LAMA3: variants seen among roughly 807,000 people sequenced by gnomAD.
The protein encoded by LAMA3 is laminin subunit alpha-3.
LAMA3 carries 281 observed loss-of-function variants against 402.0 expected under a neutral mutation model. The observed-to-expected ratio is 0.70, with a 90% confidence interval of 0.63 to 0.77. LAMA3 has a LOEUF of 0.77. Ranked by LOEUF, LAMA3 falls within the 30% of genes least tolerant of loss-of-function variation. The pLI, the probability that LAMA3 is intolerant of heterozygous loss-of-function variation, is 0.00. For synonymous variants in LAMA3, 1,431 were observed against 1,558.4 expected, an observed-to-expected ratio of 0.92 and a Z score of 1.93; for missense variants, 3,840 against 4,215.5, an observed-to-expected ratio of 0.91 and a Z score of 2.47.
chr18:23,822,486 C>A, intron 20 of LAMA3, 111 bp downstream of exon 20: 1 of 1,196,790 alleles, frequency 8.4e-7, no homozygotes, highest in Non-Finnish European at 1.2e-6. Context: ...TCAAGCCTGG[C>A]TCATGGTCTG....
chr18:23,813,070 T>C lies in LAMA3; in HGVS notation c.1755T>C (p.Ala585=). The change falls in exon 14 of 75, where the codon GCT becomes GCC. Residue 585 remains alanine (A), a synonymous_variant. Coordinates refer to ENST00000313654, the MANE Select transcript of LAMA3 (RefSeq NM_198129.4). ...AATCATATTCAGGTTCCAGCAGTGCTTGTGACCCAGCTGGTACCATCAACT... is the reference window on the plus strand; with the variant it reads ...AATCATATTCAGGTTCCAGCAGTGCCTGTGACCCAGCTGGTACCATCAACT... ...DFPHCQGSSS[A]CDPAGTINSN... 1 of 1,609,804 alleles carries C rather than the reference T, an allele frequency of 6.2e-7. No individual in the cohort carries two copies. The highest frequency in any genetic ancestry group is 8.5e-7 in the Non-Finnish European group (1 of 1,176,096).
At chr18:23,911,212 T>A (rs2081414576) in intron 55 of LAMA3, among the ~76,000 whole-genome samples, 2 of 151,992 alleles carry the variant, frequency 1.3e-5, no homozygotes, top group African/African-American at 4.8e-5. Flanking sequence ...GAGAGAGGCG[T>A]GAAATGAGCC....
At chr18:23,801,796 G>A (rs557188610) in intron 12 of LAMA3, among the ~76,000 whole-genome samples, 1 of 152,186 alleles carries the variant, frequency 6.6e-6, no homozygotes, top group African/African-American at 2.4e-5. Flanking sequence ...GATTAGTGAT[G>A]TTGAACATTT....
In LAMA3 at chr18:23,842,620, A is replaced by G. The variant is rs773482521; in HGVS notation, c.3473A>G (p.His1158Arg). Residue 1158 changes from histidine (H) to arginine (R), a missense_variant, in exon 29 of 75, where the codon CAT (histidine) becomes CGT (arginine). This residue lies in a region of LAMA3 where 2,109 missense variants were observed against 2,376.0 expected (regional missense o/e 0.89). Coordinates refer to ENST00000313654, the MANE Select transcript of LAMA3 (RefSeq NM_198129.4). ...DGGWPRAGSF[H>R]ASFCPHVLGC... Reference sequence around the variant, plus strand: ...TCTCTCTCTCTGCCAGGCTCCTTCCATGCCTCTTTTTGCCCCCATGTGCTT... The same window carrying G: ...TCTCTCTCTCTGCCAGGCTCCTTCCGTGCCTCTTTTTGCCCCCATGTGCTT... The G allele has an allele frequency of 5.0e-6, 8 of 1,614,056 alleles. No individual in the cohort carries two copies. Among genetic ancestry groups the G allele is most frequent in the Non-Finnish European group, 6.8e-6 (8 of 1,180,026 alleles).
At chr18:23,691,359 C>T (rs922048951) in intron 1 of LAMA3, among the ~76,000 whole-genome samples, 2 of 151,672 alleles carry the variant, frequency 1.3e-5, no homozygotes, top group Non-Finnish European at 2.9e-5. Context: ...AATATTTTTA[C>T]CATATTTATA....
chr18:23,820,041 A>C lies in LAMA3; in HGVS notation c.2304+44A>C, dbSNP rs7244406. The C allele has an allele frequency of 0.56, 900,050 of 1,603,548 alleles. 264,641 individuals are homozygous for C. Among genetic ancestry groups the C allele is most frequent in the Non-Finnish European group, 0.62 (720,424 of 1,170,972 alleles). ...GCAGCTTCATGGCTGAGTAGCTCAGATACTTCCCCACACCAGTCTCAGGGA... is the reference window on the plus strand; with the variant it reads ...GCAGCTTCATGGCTGAGTAGCTCAGCTACTTCCCCACACCAGTCTCAGGGA... On this transcript the variant is annotated intron_variant, in intron 19 of 74. Coordinates refer to ENST00000313654, the MANE Select transcript of LAMA3 (RefSeq NM_198129.4).
At chr18:23,948,811 C>T (rs1599178698) in intron 70 of LAMA3, among the ~76,000 whole-genome samples, 1 of 152,158 alleles carries the variant, frequency 6.6e-6, no homozygotes, top group African/African-American at 2.4e-5. Context: ...CTCAGGTGAT[C>T]CAGCAGCCTC....
chr18:23,930,234 G>T (rs2082123486), intron 64 of LAMA3, among the ~76,000 whole-genome samples: 1 of 152,186 alleles, frequency 6.6e-6, no homozygotes, highest in South Asian at 2.1e-4. Flanking sequence ...GACAGGAAGA[G>T]TCAAATTATC....
At chr18:23,760,537 T>G (rs767806757) in intron 7 of LAMA3, among the ~76,000 whole-genome samples, 2 of 152,202 alleles carry the variant, frequency 1.3e-5, no homozygotes, top group Non-Finnish European at 2.9e-5. Flanking sequence ...GAATATATAG[T>G]CTGCCTAAGA....
chr18:23,741,374 G>A (rs940806921), intron 2 of LAMA3, among the ~76,000 whole-genome samples: 1 of 151,894 alleles, frequency 6.6e-6, no homozygotes, highest in Non-Finnish European at 1.5e-5. Context: ...TGGTTGGGTT[G>A]TATTTTCATC....
At position 23,848,046 on chromosome 18, in the gene LAMA3, A is replaced by G. The variant is rs908436716; in HGVS notation, c.4136+378A>G. ...GATGCCTTGTGGTGAGCACCTGTCCATTTGTATTTAGGTATGAGCTTCATA... is the reference window on the plus strand; with the variant it reads ...GATGCCTTGTGGTGAGCACCTGTCCGTTTGTATTTAGGTATGAGCTTCATA... On this transcript the variant is annotated intron_variant, in intron 32 of 74. Coordinates refer to ENST00000313654, the MANE Select transcript of LAMA3 (RefSeq NM_198129.4). 3.3e-5 allele frequency among the ~76,000 whole-genome samples: 5 copies of G among 152,208 alleles called. No individual in the cohort carries two copies. The East Asian group carries it at 9.6e-4, about 29-fold the overall frequency.
intron 11 of LAMA3, chr18:23,781,205 G>T (rs1011756244): frequency 2.3e-6 from 1 of 432,574 alleles, no homozygotes; most frequent in Admixed American, 2.6e-5. Flanking sequence ...TGTAATTCAC[G>T]GTAAAAACGT....
intron 40 of LAMA3, among the ~76,000 whole-genome samples, chr18:23,884,049 TG>T (rs2064988956): frequency 8.4e-4 from 1 of 1,184 alleles, no homozygotes; most frequent in African/African-American, 4.6e-3. Context: ...GTCTCTTTGG[TG>T]TGTGTGTGTG....
intron 22 of LAMA3, 109 bp from the exon 23 acceptor site, chr18:23,827,201 GATGA>G: frequency 9.0e-7 from 1 of 1,112,924 alleles, no homozygotes; most frequent in Non-Finnish European, 1.4e-6. Flanking sequence ...ATTGAAGGAT[GATGA>G]ATGAATGAGT....
intron 68 of LAMA3, among the ~76,000 whole-genome samples, chr18:23,942,449 C>T (rs929066358): frequency 3.3e-5 from 5 of 152,214 alleles, no homozygotes; most frequent in Non-Finnish European, 5.9e-5. Flanking sequence ...GCATCTTCCA[C>T]ACTCATTAAA....
At position 23,689,961 on chromosome 18, in the gene LAMA3, G is replaced by A. The variant is rs775836849; in HGVS notation, c.278G>A (p.Ser93Asn). ...KLVGGPTAPGSGHTIQGQFCD... is the reference protein window; with the variant it reads ...KLVGGPTAPGNGHTIQGQFCD... Reference sequence around the variant, plus strand: ...GTCGGGGGCCCCACCGCCCCAGGCAGCGGCCACACCATCCAGGTGAGGGCC... The same window carrying A: ...GTCGGGGGCCCCACCGCCCCAGGCAACGGCCACACCATCCAGGTGAGGGCC... Residue 93 changes from serine (S) to asparagine (N), a missense_variant, in exon 1 of 75, where the codon AGC becomes AAC. Physicochemically the swap from Ser to Asn is conservative, Grantham distance 46. Around this residue, in one of 3 missense-constraint regions of LAMA3, gnomAD observed 2,109 missense variants for 2,376.0 expected, o/e 0.89. Coordinates refer to ENST00000313654, the MANE Select transcript of LAMA3 (RefSeq NM_198129.4). 8 of 1,509,578 alleles carry A rather than the reference G, an allele frequency of 5.3e-6. No homozygotes were observed. Among genetic ancestry groups the A allele is most frequent in the Non-Finnish European group, 7.1e-6 (8 of 1,128,452 alleles). 93.5% of individuals were successfully genotyped at this position (1,509,578 alleles called of 1,614,324 possible). A position where few individuals can be genotyped will look rare whatever the true frequency, so the allele number is the denominator to read the frequency against.
At chr18:23,778,791 C>T (rs1306265080) in intron 11 of LAMA3, among the ~76,000 whole-genome samples, 3 of 152,202 alleles carry the variant, frequency 2.0e-5, no homozygotes, top group East Asian at 1.9e-4. Context: ...CCTCCTGCAG[C>T]GCCACGGTGT....
chr18:23,856,599 GT>G lies in LAMA3; in HGVS notation c.4137-1241del, dbSNP rs545722862. ...TTTCTGCCTCTGCTCAGCTGTTTGT[GT>G]TTTCTTGTCTGCCCGGATCTTCAGT... On this transcript the variant is annotated intron_variant, in intron 32 of 74. Coordinates refer to ENST00000313654, the MANE Select transcript of LAMA3 (RefSeq NM_198129.4). Among the ~76,000 whole-genome samples the G allele has an allele frequency of 2.2e-3, 337 of 152,212 alleles. 1 individual carries two copies. Among genetic ancestry groups the G allele is most frequent in the African/African-American group, 7.9e-3 (328 of 41,522 alleles).
intron 1 of LAMA3, chr18:23,710,060 G>C: frequency 2.6e-6 from 2 of 764,922 alleles, no homozygotes; most frequent in Non-Finnish European, 4.7e-6. Flanking sequence ...GCAGAAACTT[G>C]ATGATAGCAT....
Sources: allele counts gnomAD v4.1 joint callset (sites outside exome capture counted in the v4.1 genomes callset), GRCh38; gene constraint gnomAD v4.1.1; regional missense constraint gnomAD v4.1.1; transcripts MANE v1.5; gene names NCBI Gene and HGNC (gene_info 2026-07-23, HGNC 2026-07-21).